GRM5: variants seen among roughly 807,000 people sequenced by gnomAD.
The protein encoded by GRM5 is metabotropic glutamate receptor 5.
In GRM5, 19 loss-of-function variants were observed where a neutral mutation model predicts 83.1. The observed-to-expected ratio is 0.23, with a 90% CI of 0.16 to 0.34. GRM5 has a LOEUF of 0.34. Ranked by LOEUF, GRM5 falls within the 10% of genes least tolerant of loss-of-function variation. The probability of loss-of-function intolerance (pLI) is 1.00; values close to 1 mark genes in which losing one functional copy is unlikely to be tolerated. For synonymous variants in GRM5, 675 were observed against 633.6 expected, an observed-to-expected ratio of 1.07 and a Z score of -0.98; for missense variants, 1,160 against 1,588.3, an observed-to-expected ratio of 0.73 and a Z score of 4.58.
intron 4 of GRM5, among the ~76,000 whole-genome samples, chr11:88,642,992 A>G (rs1036099873): frequency 2.0e-5 from 3 of 151,946 alleles, no homozygotes; most frequent in South Asian, 2.1e-4. Context: ...CACATTTTCA[A>G]TTATCTTTAT....
intron 3 of GRM5, among the ~76,000 whole-genome samples, chr11:88,717,947 A>C (rs1336665236): frequency 6.6e-6 from 1 of 151,884 alleles, no homozygotes; most frequent in Non-Finnish European, 1.5e-5. Flanking sequence ...GAAATACATC[A>C]AAATAATGAG....
intron 2 of GRM5, among the ~76,000 whole-genome samples, chr11:88,975,120 T>C (rs910186631): frequency 6.6e-6 from 1 of 152,198 alleles, no homozygotes; most frequent in African/African-American, 2.4e-5. Context: ...GAACAAGAGA[T>C]ATAAGTTTGG....
Position 89,047,493 on chromosome 11 carries a change from A to G in GRM5, c.380T>C (p.Val127Ala). The change falls in exon 2 of 10, where the codon GTA (valine) becomes GCA (alanine). Residue 127 changes from valine to alanine, a missense_variant. Physicochemically the swap from Val to Ala is moderately conservative, Grantham distance 64 (BLOSUM62 0). Transcript: ENST00000305447. The surrounding 1 kb of genome is among the most constrained non-coding windows in gnomAD (Gnocchi z 5.1). Reference protein sequence around the residue: ...LISSEEEEGLVRCVDGSSSSF... With the variant: ...LISSEEEEGLARCVDGSSSSF... Reference sequence around the variant, plus strand: ...AGAGGAGGAGCCATCCACACAGCGTACCAAGCCTTCTTCCTCTTCTGAAGA... The same window carrying G: ...AGAGGAGGAGCCATCCACACAGCGTGCCAAGCCTTCTTCCTCTTCTGAAGA... 1 of 1,614,214 alleles carries G rather than the reference A, an allele frequency of 6.2e-7. No homozygotes were observed. Among genetic ancestry groups the G allele is most frequent in the East Asian group, 2.2e-5 (1 of 44,884 alleles).
intron 2 of GRM5, among the ~76,000 whole-genome samples, chr11:88,929,548 C>T (rs1937640853): frequency 6.6e-6 from 1 of 152,050 alleles, no homozygotes; most frequent in Non-Finnish European, 1.5e-5. Context: ...TTAATACTAA[C>T]GAAAAGTCCG....
intron 4 of GRM5, among the ~76,000 whole-genome samples, chr11:88,635,900 G>A (rs1939106393): frequency 6.6e-6 from 1 of 152,138 alleles, no homozygotes; most frequent in Non-Finnish European, 1.5e-5. Context: ...TTTTCCACAT[G>A]TGGATATCCA....
chr11:88,951,543 A>G (rs1938464396), intron 2 of GRM5, among the ~76,000 whole-genome samples: 1 of 152,206 alleles, frequency 6.6e-6, no homozygotes. Context: ...AATGGCTCAT[A>G]TTATTCCCTT....
At chr11:88,740,057 C>G (rs1237590487) in intron 3 of GRM5, among the ~76,000 whole-genome samples, 1 of 152,066 alleles carries the variant, frequency 6.6e-6, no homozygotes, top group African/African-American at 2.4e-5. Context: ...AATTTGATCA[C>G]TTGGCTAACA....
chr11:88,917,841 G>A (rs544118002), intron 2 of GRM5, among the ~76,000 whole-genome samples: 11 of 152,126 alleles, frequency 7.2e-5, no homozygotes, highest in African/African-American at 2.2e-4. Flanking sequence ...TTATAAAATA[G>A]CATGAAAAGG....
chr11:89,019,586 T>C (rs1343073074), intron 2 of GRM5, among the ~76,000 whole-genome samples: 1 of 150,430 alleles, frequency 6.6e-6, no homozygotes, highest in African/African-American at 2.4e-5. Context: ...GTGCCTGTAA[T>C]CCCAGCTACC....
In GRM5 at chr11:88,604,787, A is replaced by C; in HGVS notation, c.1325T>G (p.Met442Arg). ...IDGRKLLESL[M>R]KTNFTGVSGD... ...AGAAACCCCAGTAAAATTGGTTTTC[A>C]TCAGGGACTCCAAAAGTTTCCGTCC... The change falls in exon 5 of 10, where the codon ATG (methionine) becomes AGG (arginine). Residue 442 changes from methionine (M) to arginine (R), a missense_variant. Around this residue, in one of 9 missense-constraint regions of GRM5, gnomAD observed 132 missense variants for 197.6 expected, o/e 0.67. Transcript: ENST00000305447. 4 of 1,613,268 alleles carry C rather than the reference A, an allele frequency of 2.5e-6. No homozygotes were observed. The highest frequency in any genetic ancestry group is 3.4e-6 in the Non-Finnish European group (4 of 1,179,208).
intron 3 of GRM5, among the ~76,000 whole-genome samples, chr11:88,791,097 G>T (rs943967576): frequency 6.6e-6 from 1 of 152,160 alleles, no homozygotes. Flanking sequence ...ACATAGGAAA[G>T]AAGTTAAACC....
intron 4 of GRM5, among the ~76,000 whole-genome samples, chr11:88,633,070 G>T (rs1939021490): frequency 6.6e-6 from 1 of 152,118 alleles, no homozygotes; most frequent in South Asian, 2.1e-4. Flanking sequence ...TGGCAGATAG[G>T]TATAGGAGAT....
At chr11:88,858,767 T>C (rs1172663524) in intron 2 of GRM5, among the ~76,000 whole-genome samples, 1 of 151,960 alleles carries the variant, frequency 6.6e-6, no homozygotes, top group African/African-American at 2.4e-5. Flanking sequence ...AAAACCAAAT[T>C]TGGAAAGAAA....
chr11:88,584,857 T>G (rs1591364914), intron 7 of GRM5, among the ~76,000 whole-genome samples: 1 of 152,350 alleles, frequency 6.6e-6, no homozygotes, highest in South Asian at 2.1e-4. Flanking sequence ...ACTGGTTTTG[T>G]TCATAGAAAT....
At chr11:88,841,930 G>A (rs998329366) in intron 3 of GRM5, among the ~76,000 whole-genome samples, 11 of 152,174 alleles carry the variant, frequency 7.2e-5, no homozygotes, top group African/African-American at 2.7e-4. Flanking sequence ...TGTGATTTAA[G>A]CAGATACTCA....
Position 88,976,104 on chromosome 11 carries a change from T to C in GRM5, c.661+71108A>G, listed in dbSNP as rs1298731286. 2.0e-5 allele frequency among the ~76,000 whole-genome samples: 3 copies of C among 152,216 alleles called. No homozygotes were observed. In the East Asian group the frequency reaches 5.8e-4, roughly 29 times the overall value. ...TGATTAGTTAATTTGATAAATTTAA[T>C]GATGCTTTAAGTGAAATGATTCCAG... On this transcript the variant is annotated intron_variant, in intron 2 of 9. Transcript: ENST00000305447.
intron 1 of GRM5, among the ~76,000 whole-genome samples, chr11:89,057,605 C>A (rs1416551706): frequency 6.6e-6 from 1 of 152,146 alleles, no homozygotes; most frequent in African/African-American, 2.4e-5. Flanking sequence ...CAGCCTTCTG[C>A]AGCAAAGCAA....
chr11:88,804,094 T>C (rs1403177192), intron 3 of GRM5, among the ~76,000 whole-genome samples: 3 of 152,186 alleles, frequency 2.0e-5, no homozygotes, highest in Non-Finnish European at 4.4e-5. Flanking sequence ...AGTGGGACTA[T>C]AAACTAGTTC....
chr11:88,810,554 G>C (rs1237946704), intron 3 of GRM5, among the ~76,000 whole-genome samples: 1 of 152,018 alleles, frequency 6.6e-6, no homozygotes, highest in African/African-American at 2.4e-5. Context: ...GATCGGTCAG[G>C]GAGCTGTTAG....
Sources: allele counts gnomAD v4.1 joint callset (sites outside exome capture counted in the v4.1 genomes callset), GRCh38; gene constraint gnomAD v4.1.1; regional missense constraint gnomAD v4.1.1; non-coding constraint Gnocchi (gnomAD v3.1); transcripts MANE v1.5; gene names NCBI Gene and HGNC (gene_info 2026-07-23, HGNC 2026-07-21).